The following USP25 variants were observed in gnomAD, a reference collection of about 807,000 sequenced individuals.
USP25 encodes the protein ubiquitin specific peptidase 25, also known as ubiquitin carboxyl-terminal hydrolase 25.
A neutral mutation model predicts 158.5 loss-of-function variants in USP25; 85 were observed. The observed-to-expected ratio is 0.54, with a 90% confidence interval of 0.45 to 0.64. The LOEUF (loss-of-function observed/expected upper bound fraction) is 0.64. Ranked by LOEUF, USP25 falls within the 30% of genes least tolerant of loss-of-function variation. The pLI, the probability that USP25 is intolerant of heterozygous loss-of-function variation, is 0.00. For synonymous variants in USP25, 464 were observed against 460.4 expected, an observed-to-expected ratio of 1.01 and a Z score of -0.10; for missense variants, 1,242 against 1,327.3, an observed-to-expected ratio of 0.94 and a Z score of 1.00.
At chr21:15,836,683 G>C (rs113620408) in intron 17 of USP25, among the ~76,000 whole-genome samples, 6,354 of 111,886 alleles carry the variant, frequency 0.057, 136 homozygotes, top group East Asian at 0.07. Flanking sequence ...GTGGGGATCA[G>C]AATGAGTAGG....
At chr21:15,871,785 GAA>G (rs2039894265) in intron 23 of USP25, among the ~76,000 whole-genome samples, 1 of 151,964 alleles carries the variant, frequency 6.6e-6, no homozygotes, top group Non-Finnish European at 1.5e-5. Flanking sequence ...TACCAAATTA[GAA>G]GGATTAACTA....
intron 17 of USP25, 132 bp downstream of exon 17, chr21:15,833,680 T>G: frequency 2.5e-6 from 2 of 809,404 alleles, no homozygotes; most frequent in Non-Finnish European, 3.8e-6. Context: ...ATTCCATCAC[T>G]CAGATTATCA....
chr21:15,734,254 A>G (rs2031263963), intron 1 of USP25, among the ~76,000 whole-genome samples: 1 of 152,212 alleles, frequency 6.6e-6, no homozygotes, highest in Non-Finnish European at 1.5e-5. Flanking sequence ...CTTGAAAAAC[A>G]ATGCAGACTG....
At chr21:15,860,134 C>T (rs1034143733) in intron 20 of USP25, among the ~76,000 whole-genome samples, 3 of 151,442 alleles carry the variant, frequency 2.0e-5, no homozygotes, top group Non-Finnish European at 2.9e-5. Context: ...ATTACAGGCT[C>T]CCGCCACCAT....
At chr21:15,768,604 T>C (rs1350572728) in intron 3 of USP25, among the ~76,000 whole-genome samples, 1 of 152,104 alleles carries the variant, frequency 6.6e-6, no homozygotes, top group African/African-American at 2.4e-5. Context: ...TACAAATGGA[T>C]ATACATTCAA....
chr21:15,866,243 ATATG>A lies in USP25; in HGVS notation c.2727-17_2727-14del. 5 of 1,548,282 alleles carry A rather than the reference ATATG, an allele frequency of 3.2e-6. No homozygotes were observed. Among genetic ancestry groups the A allele is most frequent in the Non-Finnish European group, 4.4e-6 (5 of 1,133,336 alleles). Reference sequence around the variant, plus strand: ...TATACACACACATACACACACGCTCATATGTATGTGTTTTTTTTTAAGGTGTCAC... The same window carrying A: ...TATACACACACATACACACACGCTCATATGTGTTTTTTTTTAAGGTGTCAC... On this transcript the variant is annotated intron_variant, in intron 21 of 25. Transcript: ENST00000400183.
intron 20 of USP25, among the ~76,000 whole-genome samples, chr21:15,851,582 G>A (rs2038891105): frequency 6.6e-6 from 1 of 151,780 alleles, no homozygotes; most frequent in African/African-American, 2.4e-5. Flanking sequence ...ATATTATTAT[G>A]TATGCTATAT....
At chr21:15,817,026 A>G (rs2036972700) in intron 9 of USP25, among the ~76,000 whole-genome samples, 2 of 151,892 alleles carry the variant, frequency 1.3e-5, no homozygotes, top group African/African-American at 4.8e-5. Flanking sequence ...CAGCTACTAG[A>G]GACGCTGAGG....
chr21:15,828,889 A>C (rs1433934447), intron 14 of USP25, among the ~76,000 whole-genome samples: 1 of 152,088 alleles, frequency 6.6e-6, no homozygotes, highest in Non-Finnish European at 1.5e-5. Flanking sequence ...CGCCCACCTC[A>C]GCCTCCCAAA....
chr21:15,795,133 G>A (rs2035798434), intron 5 of USP25, among the ~76,000 whole-genome samples: 2 of 151,330 alleles, frequency 1.3e-5, no homozygotes, highest in Non-Finnish European at 3.0e-5. Flanking sequence ...TTTTCTAAAT[G>A]ACATGCCTTC....
intron 1 of USP25, among the ~76,000 whole-genome samples, chr21:15,758,010 C>G (rs1310354121): frequency 6.6e-6 from 1 of 152,110 alleles, no homozygotes; most frequent in Non-Finnish European, 1.5e-5. Context: ...ATATATTTTT[C>G]ACTTAAATAG....
intron 6 of USP25, among the ~76,000 whole-genome samples, chr21:15,803,329 A>G (rs1018173588): frequency 6.6e-6 from 1 of 151,792 alleles, no homozygotes; most frequent in South Asian, 2.1e-4. Context: ...AATATTTCTC[A>G]TGAATTTGGA....
chr21:15,858,738 A>G (rs1361906876), intron 20 of USP25, among the ~76,000 whole-genome samples: 1 of 151,974 alleles, frequency 6.6e-6, no homozygotes, highest in Non-Finnish European at 1.5e-5. Flanking sequence ...TCTGATTTTA[A>G]TGTCTCCAGT....
chr21:15,788,729 T>C, intron 4 of USP25, among the ~76,000 whole-genome samples: 1 of 152,138 alleles, frequency 6.6e-6, no homozygotes, highest in East Asian at 1.9e-4. Context: ...ACCACAATTC[T>C]ACCATGTGGT....
intron 7 of USP25, among the ~76,000 whole-genome samples, chr21:15,807,117 AG>A (rs1341944624): frequency 1.3e-5 from 2 of 152,014 alleles, no homozygotes; most frequent in African/African-American, 2.4e-5. Flanking sequence ...TTATAGAGAC[AG>A]GATCTCCCTA....
rs775031511 is a variant in USP25, at chr21:15,831,579, G to T, written c.1943G>T (p.Ser648Ile). 10 of 1,613,864 alleles carry T rather than the reference G, an allele frequency of 6.2e-6. No individual in the cohort carries two copies. Among genetic ancestry groups the T allele is most frequent in the South Asian group, 1.1e-5 (1 of 91,080 alleles). The change falls in exon 16 of 26, where the codon AGT becomes ATT. Residue 648 changes from serine to isoleucine, a missense_variant. By Grantham distance (142) the Ser-to-Ile change is moderately radical. This residue lies in a region of USP25 where 608 missense variants were observed against 605.2 expected (regional missense o/e 1.00). Coordinates refer to ENST00000400183, the MANE Select transcript of USP25 (RefSeq NM_001283041.3). ...TCTTTTGGTGGTTATAGAAATGCCA[G>T]TGCATACTGTTTAATGTACATAAAT... is the stretch of plus-strand genomic sequence containing the variant. The part of the protein sequence containing the change: ...RDSFGGYRNA[S>I]AYCLMYINDK...
In USP25 at chr21:15,813,135, T is replaced by C. The variant is rs148098113; in HGVS notation, c.931+1925T>C. Among the ~76,000 whole-genome samples, 356 of 152,264 alleles carry C rather than the reference T, an allele frequency of 2.3e-3. 3 individuals are homozygous for C. The highest frequency in any genetic ancestry group is 8.1e-3 in the African/African-American group (335 of 41,540). The stretch of plus-strand genomic sequence containing the variant: ...CAAAAAGTCACAGAAATGGGCTAAC[T>C]GTAGTGGATCATGAATTTGAGTGAT... On this transcript the variant is annotated intron_variant, in intron 9 of 25. Transcript: ENST00000400183.
At chr21:15,831,741 A>T in intron 16 of USP25, 112 bp downstream of exon 16, 1 of 894,530 alleles carries the variant, frequency 1.1e-6, no homozygotes. Flanking sequence ...GTGGTTAGGA[A>T]ATGCTACTGG....
In USP25 at chr21:15,826,273, T is replaced by C; in HGVS notation, c.1374T>C (p.Phe458=). 6.2e-7 allele frequency: 1 copy of C among 1,614,142 alleles called. No individual in the cohort carries two copies. The highest frequency in any genetic ancestry group is 8.5e-7 in the Non-Finnish European group (1 of 1,179,974). ...LVDVLQYALE[F]ASSKPVCTSP... ...ATGTTCTTCAGTATGCATTGGAATT[T>C]GCCTCAAGTAAACCTGTTTGCACTT... Residue 458 remains phenylalanine, a synonymous_variant, in exon 13 of 26, where the codon TTT becomes TTC. Transcript: ENST00000400183. The surrounding 1 kb of genome is among the most constrained non-coding windows in gnomAD (Gnocchi z 4.8).
Sources: allele counts gnomAD v4.1 joint callset (sites outside exome capture counted in the v4.1 genomes callset), GRCh38; gene constraint gnomAD v4.1.1; regional missense constraint gnomAD v4.1.1; non-coding constraint Gnocchi (gnomAD v3.1); transcripts MANE v1.5; gene names NCBI Gene and HGNC (gene_info 2026-07-23, HGNC 2026-07-21).